ARHGAP32: variants seen among roughly 807,000 people sequenced by gnomAD.
The protein encoded by ARHGAP32 is rho GTPase-activating protein 32.
In ARHGAP32, 51 loss-of-function variants were observed where a neutral mutation model predicts 186.5. The ratio of observed to expected loss-of-function variants is 0.27; its 90% CI spans 0.22 to 0.35. ARHGAP32 has a LOEUF of 0.35. Ranked by LOEUF, ARHGAP32 falls within the 10% of genes least tolerant of loss-of-function variation. ARHGAP32 has a pLI of 1.00. For missense variants in ARHGAP32, 2,186 were observed against 2,623.5 expected (o/e 0.83, Z 3.64); for synonymous variants, 950 against 964.3 (o/e 0.99, Z 0.27).
chr11:129,140,156 A>AG (rs1943021532), intron 2 of ARHGAP32, among the ~76,000 whole-genome samples: 1 of 152,156 alleles, frequency 6.6e-6, no homozygotes, highest in African/African-American at 2.4e-5. Context: ...TTGAAGCCTG[A>AG]GGGGGTCACA....
intron 5 of ARHGAP32, among the ~76,000 whole-genome samples, chr11:129,104,150 C>G (rs7118778): frequency 0.16 from 23,697 of 151,758 alleles, 2,344 homozygotes; most frequent in African/African-American, 0.28. Context: ...GAGTTCCCAC[C>G]AACAAAACCT....
In ARHGAP32 at chr11:129,015,966, T is replaced by C. The variant is rs552987125; in HGVS notation, c.1046-17498A>G. On this transcript the variant is annotated intron_variant, in intron 11 of 22. Transcript: ENST00000682385. ...TATAGAATATGCTACTTTTCAACCA[T>C]ATTTCAACTTTGCTAAAATATTATC... Among the ~76,000 whole-genome samples the C allele has an allele frequency of 3.7e-4, 57 of 152,294 alleles. 1 individual carries two copies. Among genetic ancestry groups the C allele is most frequent in the Admixed American group, 1.5e-3 (23 of 15,296 alleles).
intron 5 of ARHGAP32, among the ~76,000 whole-genome samples, chr11:129,111,028 CT>C (rs1942198099): frequency 1.3e-5 from 2 of 152,126 alleles, no homozygotes. Context: ...AGGCTTTCAT[CT>C]TTTCCCCATC....
chr11:129,037,618 C>T (rs949636841), intron 11 of ARHGAP32, among the ~76,000 whole-genome samples: 1 of 151,946 alleles, frequency 6.6e-6, no homozygotes, highest in Non-Finnish European at 1.5e-5. Context: ...TCAATATACT[C>T]TCTATCAGAA....
At chr11:129,204,758 G>C (rs1944496083) in intron 1 of ARHGAP32, among the ~76,000 whole-genome samples, 1 of 152,110 alleles carries the variant, frequency 6.6e-6, no homozygotes, top group South Asian at 2.1e-4. Context: ...CAAAATTACA[G>C]GCATTTTTCT....
rs1398516396 is a variant in ARHGAP32 at position 128,998,540 on chromosome 11, A to T, written c.1046-72T>A. 6 of 1,195,312 alleles carry T rather than the reference A, an allele frequency of 5.0e-6. No homozygotes were observed. In the East Asian group the frequency reaches 1.3e-4, roughly 26 times the overall value. The allele number at this position is 1,195,312 out of a possible 1,614,324, so 74.0% of individuals were successfully genotyped here. A position where few individuals can be genotyped will look rare whatever the true frequency, so the allele number is the denominator to read the frequency against. On this transcript the variant is annotated intron_variant, in intron 11 of 22. Coordinates refer to ENST00000682385, the MANE Select transcript of ARHGAP32 (RefSeq NM_001378024.1). ...CATTTTACTTAGCATAAAAACAAAC[A>T]TATCTCAAGAGGCTGACAGCAAAAT...
chr11:129,241,831 A>G (rs888557662), intron 1 of ARHGAP32, among the ~76,000 whole-genome samples: 5 of 152,216 alleles, frequency 3.3e-5, no homozygotes, highest in Admixed American at 3.3e-4. Context: ...AGAAAAAGAC[A>G]AAAATTTTAA....
chr11:129,253,486 A>G (rs1344638329), intron 1 of ARHGAP32, among the ~76,000 whole-genome samples: 1 of 152,194 alleles, frequency 6.6e-6, no homozygotes, highest in Non-Finnish European at 1.5e-5. Context: ...ATGGAGTGCA[A>G]AAGTCTAAAT....
chr11:129,224,434 A>G lies in ARHGAP32; in HGVS notation c.-5+54712T>C, dbSNP rs542245130. On this transcript the variant is annotated intron_variant, in intron 1 of 6. Coordinates refer to the ARHGAP32 transcript ENST00000525234. ...AGTACCTCTGAAAATTCTCTCCTTA[A>G]CTTTTTCAAAATTCTGGAAATTAAC... Among the ~76,000 whole-genome samples, 3 of 152,218 alleles carry G rather than the reference A, an allele frequency of 2.0e-5. No homozygotes were observed. In the Middle Eastern group the frequency reaches 0.01, roughly 518 times the overall value.
intron 21 of ARHGAP32, 196 bp from the exon 22 acceptor site, chr11:128,973,628 A>G (rs976259104): frequency 4.9e-6 from 3 of 616,086 alleles, no homozygotes; most frequent in Non-Finnish European, 8.4e-6. Flanking sequence ...TAAAACAAAC[A>G]GTGTATAAAG....
intron 10 of ARHGAP32, among the ~76,000 whole-genome samples, chr11:129,050,505 C>A (rs1165046716): frequency 6.6e-6 from 1 of 152,128 alleles, no homozygotes; most frequent in Non-Finnish European, 1.5e-5. Flanking sequence ...TGAGCTTGCC[C>A]AGTGAGAGTT....
At chr11:129,263,583 AGAG>A (rs576997195) in intron 1 of ARHGAP32, among the ~76,000 whole-genome samples, 204 of 138,250 alleles carry the variant, frequency 1.5e-3, no homozygotes, top group Non-Finnish European at 2.5e-3. Flanking sequence ...AGAAGGAGGA[AGAG>A]GAGGAGAAGG....
chr11:129,079,357 G>A (rs1326957770), intron 6 of ARHGAP32, among the ~76,000 whole-genome samples: 1 of 152,042 alleles, frequency 6.6e-6, no homozygotes, highest in Non-Finnish European at 1.5e-5. Context: ...AAAAGCATCA[G>A]GTAACCTATA....
chr11:129,205,748 G>C (rs1401456885), intron 1 of ARHGAP32, among the ~76,000 whole-genome samples: 1 of 152,048 alleles, frequency 6.6e-6, no homozygotes, highest in Non-Finnish European at 1.5e-5. Context: ...AACTCTTCTG[G>C]AAAAGGAAAC....
Position 128,976,651 on chromosome 11 carries a change from A to G in ARHGAP32, c.2123-17T>C, listed in dbSNP as rs755741334. On this transcript the variant is annotated splice_polypyrimidine_tract_variant and intron_variant, in intron 19 of 22. Coordinates refer to ENST00000682385, the MANE Select transcript of ARHGAP32 (RefSeq NM_001378024.1). ...CCCTGCCACCTGAAGAATAAAAAAC[A>G]CATAGTGTGAAGATTTCTTATTTGT... The G allele has an allele frequency of 6.2e-7, 1 of 1,606,140 alleles. No homozygotes were observed. The highest frequency in any genetic ancestry group is 1.1e-5 in the South Asian group (1 of 90,914).
At chr11:129,086,747 G>A (rs1941416319) in intron 6 of ARHGAP32, among the ~76,000 whole-genome samples, 1 of 151,394 alleles carries the variant, frequency 6.6e-6, no homozygotes, top group Admixed American at 6.6e-5. Context: ...CGTGAACCCG[G>A]GAGGCAGAGC....
intron 2 of ARHGAP32, among the ~76,000 whole-genome samples, chr11:129,131,137 CATAGAAAT>C (rs1467575828): frequency 6.6e-6 from 1 of 151,602 alleles, no homozygotes; most frequent in Non-Finnish European, 1.5e-5. Flanking sequence ...TAAAATTATT[CATAGAAAT>C]AAGTGTTACA....
At chr11:129,031,249 A>T (rs1465535387) in intron 11 of ARHGAP32, among the ~76,000 whole-genome samples, 1 of 152,222 alleles carries the variant, frequency 6.6e-6, no homozygotes, top group Non-Finnish European at 1.5e-5. Flanking sequence ...TAACATAGTA[A>T]ATAAACACAA....
Position 128,998,543 on chromosome 11 carries a change from T to A in ARHGAP32, c.1046-75A>T, listed in dbSNP as rs1036174302. The A allele has an allele frequency of 1.2e-5, 14 of 1,159,048 alleles. No individual in the cohort carries two copies. The Admixed American group carries it at 3.9e-4, about 32-fold the overall frequency. 71.8% of individuals were successfully genotyped at this position (1,159,048 alleles called of 1,614,324 possible). A position where few individuals can be genotyped will look rare whatever the true frequency, so the allele number is the denominator to read the frequency against. ...TTTACTTAGCATAAAAACAAACATA[T>A]CTCAAGAGGCTGACAGCAAAATAAT... On this transcript the variant is annotated intron_variant, in intron 11 of 22. Coordinates refer to ENST00000682385, the MANE Select transcript of ARHGAP32 (RefSeq NM_001378024.1).
Sources: gnomAD v4.1 joint callset for allele counts (sites outside exome capture counted in the v4.1 genomes callset) on GRCh38, gnomAD v4.1.1 for gene constraint, MANE v1.5 for transcripts, NCBI Gene and HGNC (gene_info 2026-07-23, HGNC 2026-07-21) for gene names.